CDYL: variants seen among roughly 807,000 people sequenced by gnomAD.
CDYL encodes chromodomain Y like, also known as chromodomain Y-like protein.
CDYL carries 8 observed loss-of-function variants against 47.3 expected under a neutral mutation model. The ratio of observed to expected loss-of-function variants is 0.17; its 90% CI spans 0.10 to 0.31. CDYL has a LOEUF of 0.31. Ranked by LOEUF, CDYL falls within the 10% of genes least tolerant of loss-of-function variation. The pLI, the probability that CDYL is intolerant of heterozygous loss-of-function variation, is 1.00. For synonymous variants in CDYL, 266 were observed against 265.0 expected (o/e 1.00, Z -0.04); for missense variants, 471 against 701.4 (o/e 0.67, Z 3.71).
chr6:4,866,808 C>A (rs1761336400), intron 1 of CDYL, among the ~76,000 whole-genome samples: 1 of 151,806 alleles, frequency 6.6e-6, no homozygotes, highest in Admixed American at 6.6e-5. Context: ...TAATCTATAC[C>A]CTCTCACTTT....
In CDYL at chr6:4,726,390, C is replaced by T. The variant is rs183864253; in HGVS notation, c.104-8372C>T. 7.8e-4 allele frequency among the ~76,000 whole-genome samples: 119 copies of T among 152,124 alleles called. 1 individual carries two copies. The South Asian group carries it at 0.016, about 21-fold the overall frequency. ...TCTGTACTAAAAATACAAAAATTAG[C>T]CAGGCGTGGTACGCACCTGTAATCC... is the stretch of plus-strand genomic sequence containing the variant. On this transcript the variant is annotated intron_variant, in intron 2 of 8. Transcript: ENST00000328908.
At chr6:4,717,956 CT>C (rs1757300611) in intron 2 of CDYL, among the ~76,000 whole-genome samples, 1 of 151,972 alleles carries the variant, frequency 6.6e-6, no homozygotes, top group South Asian at 2.1e-4. Context: ...AGGGATCCTC[CT>C]CCCTCAACCT....
chr6:4,726,918 T>C (rs946909599), intron 2 of CDYL, among the ~76,000 whole-genome samples: 3 of 152,080 alleles, frequency 2.0e-5, no homozygotes, highest in African/African-American at 7.3e-5. Context: ...GGGTGACTCA[T>C]TGATTGTTGT....
chr6:4,757,431 A>G (rs1480683625), intron 3 of CDYL, among the ~76,000 whole-genome samples: 1 of 152,246 alleles, frequency 6.6e-6, no homozygotes, highest in Non-Finnish European at 1.5e-5. Context: ...TAGCAAACTG[A>G]TGTTCATTTC....
chr6:4,837,171 A>C (rs182786699), intron 1 of CDYL, among the ~76,000 whole-genome samples: 1 of 152,192 alleles, frequency 6.6e-6, no homozygotes, highest in Non-Finnish European at 1.5e-5. Context: ...ATGAATTGGC[A>C]ATTTGTTTTA....
rs140454929 is a variant in CDYL at position 4,865,795 on chromosome 6, A to G, written c.25-25918A>G. On this transcript the variant is annotated intron_variant, in intron 1 of 6. Transcript: ENST00000397588. ...TGTTTGCCTTCGGTAGCATAGTTTCAAAATAGTTAAGGCAAAGCCAACATA... is the reference window on the plus strand; with the variant it reads ...TGTTTGCCTTCGGTAGCATAGTTTCGAAATAGTTAAGGCAAAGCCAACATA... Among the ~76,000 whole-genome samples, 459 of 152,354 alleles carry G rather than the reference A, an allele frequency of 3.0e-3. 5 individuals are homozygous for G. The highest frequency in any genetic ancestry group is 0.01 in the Middle Eastern group (3 of 294).
chr6:4,777,226 C>G (rs143538444), intron 1 of CDYL, among the ~76,000 whole-genome samples: 2 of 148,546 alleles, frequency 1.3e-5, no homozygotes, highest in African/African-American at 5.2e-5. Context: ...TGCCCCTGGT[C>G]GGGGGGTGGC....
chr6:4,734,903 T>G, intron 3 of CDYL: 1 of 1,605,034 alleles, frequency 6.2e-7, no homozygotes, highest in African/African-American at 1.3e-5. Context: ...GAAGAGCCCA[T>G]AGGGGAATCG....
At chr6:4,942,944 C>G (rs1433829655) in intron 4 of CDYL, among the ~76,000 whole-genome samples, 3 of 152,222 alleles carry the variant, frequency 2.0e-5, no homozygotes, top group African/African-American at 7.2e-5. Flanking sequence ...CAGCCTGTGA[C>G]ACTCTTGTCT....
intron 1 of CDYL, among the ~76,000 whole-genome samples, chr6:4,869,451 G>T (rs1159093170): frequency 2.0e-5 from 3 of 152,028 alleles, no homozygotes; most frequent in Non-Finnish European, 4.4e-5. Context: ...CACATTTAAT[G>T]TAGTTATTGA....
At chr6:4,820,307 T>A (rs1759798469) in intron 1 of CDYL, among the ~76,000 whole-genome samples, 2 of 152,210 alleles carry the variant, frequency 1.3e-5, no homozygotes, top group Non-Finnish European at 2.9e-5. Flanking sequence ...ATACCTGATT[T>A]ACTCTGTGGT....
At chr6:4,787,698 A>T (rs1318357089) in intron 1 of CDYL, among the ~76,000 whole-genome samples, 1 of 150,408 alleles carries the variant, frequency 6.6e-6, no homozygotes, top group East Asian at 2.0e-4. Flanking sequence ...ACAGAAAGGC[A>T]GCTGGGAGAG....
intron 1 of CDYL, among the ~76,000 whole-genome samples, chr6:4,869,882 A>G (rs1761427096): frequency 6.6e-6 from 1 of 152,140 alleles, no homozygotes; most frequent in South Asian, 2.1e-4. Context: ...GTATTTACTC[A>G]CATATTTCCC....
At chr6:4,939,284 G>A (rs911625430) in intron 4 of CDYL, among the ~76,000 whole-genome samples, 4 of 151,958 alleles carry the variant, frequency 2.6e-5, no homozygotes, top group Non-Finnish European at 4.4e-5. Context: ...TGGTGGGTAG[G>A]GGGGCTCTTT....
chr6:4,916,873 C>G (rs1264194963), intron 2 of CDYL, among the ~76,000 whole-genome samples: 1 of 152,228 alleles, frequency 6.6e-6, no homozygotes, highest in Non-Finnish European at 1.5e-5. Flanking sequence ...GGCCTGGCCA[C>G]GTGCACGGCC....
chr6:4,846,120 A>G (rs1017396855), intron 1 of CDYL, among the ~76,000 whole-genome samples: 8 of 151,982 alleles, frequency 5.3e-5, no homozygotes, highest in African/African-American at 1.7e-4. Flanking sequence ...GAATACTACA[A>G]TTTTATAAAT....
At chr6:4,793,925 C>T (rs1001533127) in intron 1 of CDYL, among the ~76,000 whole-genome samples, 2 of 151,722 alleles carry the variant, frequency 1.3e-5, no homozygotes, top group Admixed American at 6.6e-5. Context: ...ACTTTATTGC[C>T]CTGGAGGGCT....
intron 1 of CDYL, among the ~76,000 whole-genome samples, chr6:4,880,883 G>A (rs1761745056): frequency 6.6e-6 from 1 of 152,204 alleles, no homozygotes; most frequent in Non-Finnish European, 1.5e-5. Flanking sequence ...TAAGTTTTAA[G>A]ATACCTTTGT....
chr6:4,723,517 G>A (rs114338380), intron 2 of CDYL, among the ~76,000 whole-genome samples: 1 of 152,146 alleles, frequency 6.6e-6, no homozygotes, highest in Non-Finnish European at 1.5e-5. Flanking sequence ...GGGCTAGCAA[G>A]AGTGGGGGCT....
Sources: allele counts gnomAD v4.1 joint callset (sites outside exome capture counted in the v4.1 genomes callset), GRCh38; gene constraint gnomAD v4.1.1; transcripts MANE v1.5; gene names NCBI Gene and HGNC (gene_info 2026-07-23, HGNC 2026-07-21).